DMD: variants seen among roughly 807,000 people sequenced by gnomAD.
DMD encodes dystrophin.
In DMD, 63 loss-of-function variants were observed where a neutral mutation model predicts 330.1. The observed-to-expected ratio is 0.19, with a 90% CI of 0.16 to 0.24. The LOEUF is 0.24. Among genes scored for constraint, DMD ranks in the 10% least tolerant of loss-of-function variants. The pLI, the probability that DMD is intolerant of heterozygous loss-of-function variation, is 1.00. For synonymous variants in DMD, 1,223 were observed against 959.8 expected, an observed-to-expected ratio of 1.27 and a Z score of -5.07; for missense variants, 3,344 against 2,684.1, an observed-to-expected ratio of 1.25 and a Z score of -5.43.
At chrX:31,235,118 G>A (rs1829652563) in intron 63 of DMD, among the ~76,000 whole-genome samples, 1 of 111,694 alleles carries the variant, frequency 9.0e-6, no homozygotes, top group Admixed American at 9.5e-5. Context: ...AAGTGCACAG[G>A]TGGGCCTAGG....
chrX:32,225,814 C>T (rs142630168), intron 43 of DMD, among the ~76,000 whole-genome samples: 52 of 110,160 alleles, frequency 4.7e-4, no homozygotes, highest in African/African-American at 1.6e-3. Flanking sequence ...TGAGGCCTCC[C>T]CAGAAACAGA....
At chrX:32,646,815 T>A (rs1304028522) in intron 9 of DMD, among the ~76,000 whole-genome samples, 1 of 111,885 alleles carries the variant, frequency 8.9e-6, no homozygotes, top group African/African-American at 3.2e-5. Context: ...TGCACTCTTT[T>A]TCCAGTTTCT....
chrX:31,893,340 G>A (rs908551541), intron 47 of DMD, among the ~76,000 whole-genome samples: 13 of 110,890 alleles, frequency 1.2e-4, no homozygotes, highest in Non-Finnish European at 1.7e-4. Context: ...TTAATTTCTG[G>A]CCTCCATGTT....
At chrX:32,782,334 G>A (rs1404693261) in intron 7 of DMD, among the ~76,000 whole-genome samples, 2 of 111,761 alleles carry the variant, frequency 1.8e-5, no homozygotes, top group Non-Finnish European at 3.8e-5. Context: ...TATGTATGCA[G>A]TAACAGAGAC....
intron 42 of DMD, among the ~76,000 whole-genome samples, chrX:32,291,633 G>A (rs1280131258): frequency 8.9e-6 from 1 of 111,806 alleles, no homozygotes; most frequent in Non-Finnish European, 1.9e-5. Context: ...GCATCCACAT[G>A]ATTTGTGGTG....
intron 50 of DMD, among the ~76,000 whole-genome samples, chrX:31,777,651 G>A (rs2090751825): frequency 9.0e-6 from 1 of 111,231 alleles, no homozygotes; most frequent in African/African-American, 3.3e-5. Flanking sequence ...GAGGCATCTT[G>A]AGGTAAGGAA....
At chrX:32,068,070 T>C (rs1277569993) in intron 44 of DMD, among the ~76,000 whole-genome samples, 1 of 111,767 alleles carries the variant, frequency 8.9e-6, no homozygotes, top group Admixed American at 9.6e-5. Context: ...AGATGGTATC[T>C]CCTTGCGGTT....
At position 33,250,613 on chromosome X, in the gene DMD, T is replaced by A. The variant is rs189540945; in HGVS notation, c.7+88646A>T. On this transcript the variant is annotated intron_variant, in intron 1 of 17. Coordinates refer to the DMD transcript ENST00000288447. ...ACATATATAAATACGTATTGTCTAT[T>A]TTTAATTCAAGGTAAGTTTTGGCAA... Among the ~76,000 whole-genome samples the A allele has an allele frequency of 3.6e-5, 4 of 111,489 alleles. No individual in the cohort carries two copies. In the East Asian group the frequency reaches 1.1e-3, roughly 31 times the overall value.
chrX:32,822,840 T>C (rs1423046295), intron 5 of DMD, among the ~76,000 whole-genome samples: 1 of 111,059 alleles, frequency 9.0e-6, no homozygotes, highest in Admixed American at 9.6e-5. Flanking sequence ...CATTATGGAG[T>C]TTGTATGTAT....
intron 1 of DMD, among the ~76,000 whole-genome samples, chrX:33,264,054 C>T (rs1423290212): frequency 9.1e-6 from 1 of 110,419 alleles, no homozygotes; most frequent in African/African-American, 3.3e-5. Context: ...GATGAAAGAA[C>T]ACAGGCAATC....
chrX:32,277,992 G>C (rs763457305), intron 43 of DMD, among the ~76,000 whole-genome samples: 3 of 110,961 alleles, frequency 2.7e-5, no homozygotes, highest in African/African-American at 9.8e-5. Flanking sequence ...TTGTAATAAA[G>C]AAAACATACA....
intron 7 of DMD, among the ~76,000 whole-genome samples, chrX:32,713,404 A>G (rs1323986747): frequency 9.0e-6 from 1 of 111,362 alleles, no homozygotes; most frequent in East Asian, 2.9e-4. Context: ...AGAAGAGGGA[A>G]AGAGAAAGCT....
intron 17 of DMD, among the ~76,000 whole-genome samples, chrX:32,519,838 A>T (rs2046247240): frequency 8.9e-6 from 1 of 112,141 alleles, no homozygotes; most frequent in Non-Finnish European, 1.9e-5. Context: ...CAGATACAGA[A>T]ATTAATGGAA....
chrX:33,196,859 C>T (rs2050966819), intron 1 of DMD, among the ~76,000 whole-genome samples: 1 of 111,125 alleles, frequency 9.0e-6, no homozygotes, highest in South Asian at 3.8e-4. Flanking sequence ...TCCAGGATTA[C>T]TTGCCTTTGT....
At chrX:32,069,404 T>C (rs985485354) in intron 44 of DMD, among the ~76,000 whole-genome samples, 3 of 111,829 alleles carry the variant, frequency 2.7e-5, no homozygotes, top group Non-Finnish European at 5.6e-5. Context: ...AATATTTTTC[T>C]CATATACATA....
intron 52 of DMD, among the ~76,000 whole-genome samples, chrX:31,716,753 T>TAAATA (rs79380877): frequency 1.8e-5 from 2 of 109,483 alleles, no homozygotes; most frequent in Non-Finnish European, 3.8e-5. Flanking sequence ...ATAGTTTATA[T>TAAATA]ATCAGTCGTA....
intron 7 of DMD, among the ~76,000 whole-genome samples, chrX:32,737,216 C>T (rs746506054): frequency 6.5e-4 from 72 of 110,016 alleles, no homozygotes; most frequent in Non-Finnish European, 1.3e-3. Flanking sequence ...TGCTTCAAGA[C>T]GTGAAGTGTG....
chrX:32,726,675 T>C (rs2066919066), intron 7 of DMD, among the ~76,000 whole-genome samples: 1 of 111,138 alleles, frequency 9.0e-6, no homozygotes, highest in Non-Finnish European at 1.9e-5. Flanking sequence ...TGCATGGGTT[T>C]ATAAATTATT....
chrX:32,837,039 C>T (rs896996013), intron 4 of DMD, among the ~76,000 whole-genome samples: 1 of 111,622 alleles, frequency 9.0e-6, no homozygotes, highest in Middle Eastern at 4.2e-3. Flanking sequence ...GAAACCACGT[C>T]TACTCTCTGT....
Sources: allele counts gnomAD v4.1 joint callset (sites outside exome capture counted in the v4.1 genomes callset), GRCh38; gene constraint gnomAD v4.1.1; transcripts MANE v1.5; gene names NCBI Gene and HGNC (gene_info 2026-07-23, HGNC 2026-07-21).